Variants in LTO1 observed in about 807,000 individuals in gnomAD.
LTO1 encodes the protein protein LTO1 homolog.
Under a neutral mutation model 19.8 loss-of-function variants are expected in LTO1, and 18 were observed. That is an observed-to-expected ratio of 0.91 (90% CI 0.63 to 1.35). The LOEUF is 1.35. Among genes scored for constraint, LTO1 ranks in the 40% most tolerant of loss-of-function variants. The probability of loss-of-function intolerance (pLI) is 0.00; values close to 1 mark genes in which losing one functional copy is unlikely to be tolerated. For missense variants in LTO1, 175 were observed against 167.9 expected, an observed-to-expected ratio of 1.04 and a Z score of -0.23; for synonymous variants, 59 against 59.6, an observed-to-expected ratio of 0.99 and a Z score of 0.05.
chr11:69,670,352 C>A (rs1256514561), intron 3 of LTO1, among the ~76,000 whole-genome samples: 1 of 152,238 alleles, frequency 6.6e-6, no homozygotes, highest in African/African-American at 2.4e-5. Flanking sequence ...CGGAGAACTC[C>A]AAGAACACAC....
rs1476183356 is a variant in LTO1 at position 69,675,176 on chromosome 11, G to C, written c.50+14C>G. The C allele has an allele frequency of 4.4e-6, 7 of 1,586,958 alleles. No individual in the cohort carries two copies. In the East Asian group the frequency reaches 1.6e-4, roughly 36 times the overall value. ...CCAGACAGGGCGGGGTGCGGGCCCG[G>C]CCTCACCACCCACCTCTCATCCGCC... On this transcript the variant is annotated intron_variant, in intron 1 of 4. Transcript: ENST00000279147.
At chr11:69,674,627 T>G in intron 1 of LTO1, 1 of 381,778 alleles carries the variant, frequency 2.6e-6, no homozygotes, top group African/African-American at 2.1e-5. Context: ...TAAATAAACG[T>G]CAGCGCCTGA....
chr11:69,670,075 A>G (rs907064978), intron 3 of LTO1, among the ~76,000 whole-genome samples: 3 of 152,028 alleles, frequency 2.0e-5, no homozygotes, highest in Admixed American at 1.3e-4. Context: ...GCTCTACAAT[A>G]AAGCCTTAGG....
chr11:69,672,995 T>A (rs1036750724), intron 2 of LTO1: 8 of 570,662 alleles, frequency 1.4e-5, no homozygotes, highest in Non-Finnish European at 2.6e-5. Context: ...AGAGACAGGG[T>A]TTCACCATGT....
chr11:69,673,835 G>C (rs1037236281), intron 1 of LTO1, among the ~76,000 whole-genome samples: 3 of 151,896 alleles, frequency 2.0e-5, no homozygotes, highest in African/African-American at 7.3e-5. Flanking sequence ...TTACAAGTGA[G>C]GGCCACCGCA....
intron 1 of LTO1, chr11:69,674,805 C>T (rs976932936): frequency 2.1e-6 from 1 of 484,910 alleles, no homozygotes; most frequent in Non-Finnish European, 4.1e-6. Flanking sequence ...CATCTATCAG[C>T]ACATCCATGA....
intron 1 of LTO1, 200 bp downstream of exon 1, chr11:69,674,990 G>T (rs1856168587): frequency 4.3e-6 from 3 of 693,670 alleles, no homozygotes; most frequent in Non-Finnish European, 7.9e-6. Context: ...CTGGGCACGT[G>T]CCCCGCCGGA....
chr11:69,673,261 C>T lies in LTO1; in HGVS notation c.111G>A (p.Glu37=). 6.2e-7 allele frequency: 1 copy of T among 1,613,938 alleles called. No individual in the cohort carries two copies. Among genetic ancestry groups the T allele is most frequent in the Non-Finnish European group, 8.5e-7 (1 of 1,179,792 alleles). ...YEEGSSLGVM[E]GRQHGTLHGA... Reference sequence around the variant, plus strand: ...CATGCAGCGTGCCATGCTGCCTTCCCTCCATCACACCCAAACTACTGCCTT... The same window carrying T: ...CATGCAGCGTGCCATGCTGCCTTCCTTCCATCACACCCAAACTACTGCCTT... Residue 37 remains glutamate, a synonymous_variant, in exon 2 of 5, where the codon GAG becomes GAA. Coordinates refer to ENST00000279147, the MANE Select transcript of LTO1 (RefSeq NM_153451.3).
At chr11:69,674,450 T>C (rs866660061) in intron 1 of LTO1, 7 of 278,114 alleles carry the variant, frequency 2.5e-5, no homozygotes, top group African/African-American at 6.7e-5. Context: ...CAGCGCCCCA[T>C]GAAGCAGGGT....
intron 3 of LTO1, 88 bp downstream of exon 3, chr11:69,671,661 A>T: frequency 1.3e-6 from 1 of 775,196 alleles, no homozygotes; most frequent in Non-Finnish European, 2.4e-6. Context: ...AGGAACAGAC[A>T]GATTGATTAC....
intron 1 of LTO1, among the ~76,000 whole-genome samples, chr11:69,674,143 G>C (rs535558464): frequency 6.6e-6 from 1 of 152,148 alleles, no homozygotes; most frequent in Non-Finnish European, 1.5e-5. Context: ...GTCAGCCACC[G>C]CATCTGGCCC....
chr11:69,667,657 T>C, intron 4 of LTO1, 70 bp from the exon 5 acceptor site: 1 of 1,098,072 alleles, frequency 9.1e-7, no homozygotes, highest in Non-Finnish European at 1.4e-6. Flanking sequence ...GATAACTCTA[T>C]CTCTAGCTAT....
Position 69,671,789 on chromosome 11 carries a change from A to C in LTO1, c.187T>G (p.Trp63Gly), listed in dbSNP as rs746586592. The C allele has an allele frequency of 1.3e-5, 21 of 1,605,012 alleles. No individual in the cohort carries two copies. Among genetic ancestry groups the C allele is most frequent in the Non-Finnish European group, 1.8e-5 (21 of 1,171,662 alleles). The change falls in exon 3 of 5, where the codon TGG becomes GGG. Residue 63 changes from tryptophan to glycine, a missense_variant. By Grantham distance (184) the Trp-to-Gly change is radical. Transcript: ENST00000279147. Reference protein sequence around the residue: ...IGCYQGFAFAWKCLLHSCTTE... With the variant: ...IGCYQGFAFAGKCLLHSCTTE... ...GTGCAACTGTGCAGTAGACATTTCC[A>C]TGCAAAAGCAAAACCTTGGTAGCAC... is the stretch of plus-strand genomic sequence containing the variant.
Position 69,667,236 on chromosome 11 carries a change from C to T in LTO1, c.*283G>A. 1 of 472,210 alleles carries T rather than the reference C, an allele frequency of 2.1e-6. No homozygotes were observed. Among genetic ancestry groups the T allele is most frequent in the East Asian group, 3.7e-5 (1 of 26,948 alleles). The allele number at this position is 472,210 out of a possible 1,614,324, so 29.3% of individuals were successfully genotyped here. A position where few individuals can be genotyped will look rare whatever the true frequency, so the allele number is the denominator to read the frequency against. On this transcript the variant is annotated 3_prime_UTR_variant, in exon 5 of 5. Transcript: ENST00000279147. ...AGAGCCAACTCCAACCCAGAACCAG[C>T]TAGGCCTGTGCTGCCGGAGAGGCTG...
At position 69,673,111 on chromosome 11, in the gene LTO1, G is replaced by C; in HGVS notation, c.156+105C>G. 7.5e-6 allele frequency: 6 copies of C among 804,396 alleles called. 1 individual carries two copies. The Middle Eastern group carries it at 1.3e-3, about 179-fold the overall frequency. 49.8% of individuals were successfully genotyped at this position (804,396 alleles called of 1,614,324 possible). On this transcript the variant is annotated intron_variant, in intron 2 of 4. Coordinates refer to ENST00000279147, the MANE Select transcript of LTO1 (RefSeq NM_153451.3). ...AGTCACCGCGCCCATCCGGCACTGT[G>C]ATTTTAAAAGGCCTGACAATTCTTA...
intron 4 of LTO1, 42 bp downstream of exon 4, chr11:69,667,853 A>G (rs749201541): frequency 9.9e-7 from 1 of 1,015,200 alleles, no homozygotes; most frequent in Non-Finnish European, 1.6e-6. Flanking sequence ...GGAAAGGCGC[A>G]ATCAGGTGCT....
rs372983235 is a variant in LTO1, at chr11:69,667,649, T to C, written c.346-62A>G. The C allele has an allele frequency of 5.1e-5, 60 of 1,165,880 alleles. No individual in the cohort carries two copies. The African/African-American group carries it at 7.5e-4, about 15-fold the overall frequency. 72.2% of individuals were successfully genotyped at this position (1,165,880 alleles called of 1,614,324 possible). ...GCATTTTTACTGAAAAATGAGAAGATAACTCTATCTCTAGCTATAGCTTTT... is the reference window on the plus strand; with the variant it reads ...GCATTTTTACTGAAAAATGAGAAGACAACTCTATCTCTAGCTATAGCTTTT... On this transcript the variant is annotated intron_variant, in intron 4 of 4. Transcript: ENST00000279147.
rs766181767 is a variant in LTO1, at chr11:69,675,267, C to G, written c.-28G>C. ...CGGCAAGCAGCCCGCCCTTGGCCCC[C>G]GGGTTTCTGCAGCCCCGCGGTGCCG... On this transcript the variant is annotated 5_prime_UTR_variant, in exon 1 of 5. Coordinates refer to ENST00000279147, the MANE Select transcript of LTO1 (RefSeq NM_153451.3). The G allele has an allele frequency of 1.4e-6, 2 of 1,474,676 alleles. No homozygotes were observed. Among genetic ancestry groups the G allele is most frequent in the African/African-American group, 1.4e-5 (1 of 68,974 alleles). The allele number at this position is 1,474,676 out of a possible 1,614,324, so 91.3% of individuals were successfully genotyped here.
chr11:69,673,226 A>AT lies in LTO1; in HGVS notation c.145dup (p.Ile49AsnfsTer4), dbSNP rs1316207881. On this transcript the variant is annotated frameshift_variant, in exon 2 of 5. Transcript: ENST00000279147. LOFTEE classifies it high-confidence loss of function. ...GGGGTTCCCACTTACCTCAGACCCG[A>AT]TTTTGGCTCCATGCAGCGTGCCATG... 6 of 1,603,166 alleles carry AT rather than the reference A, an allele frequency of 3.7e-6. No homozygotes were observed. Among genetic ancestry groups the AT allele is most frequent in the Non-Finnish European group, 5.1e-6 (6 of 1,170,128 alleles).
Sources: gnomAD v4.1 joint callset for allele counts (sites outside exome capture counted in the v4.1 genomes callset) on GRCh38, gnomAD v4.1.1 for gene constraint, MANE v1.5 for transcripts, NCBI Gene and HGNC (gene_info 2026-07-23, HGNC 2026-07-21) for gene names.